Variants in RCAN2 observed in about 807,000 individuals in gnomAD.
The protein encoded by RCAN2 is regulator of calcineurin 2, also known as calcipressin-2.
RCAN2 carries 9 observed loss-of-function variants against 23.6 expected under a neutral mutation model. The ratio of observed to expected loss-of-function variants is 0.38; its 90% confidence interval spans 0.23 to 0.67. The LOEUF (loss-of-function observed/expected upper bound fraction) is 0.67. Ranked by LOEUF, RCAN2 falls within the 30% of genes least tolerant of loss-of-function variation. The pLI is 0.51. For synonymous variants in RCAN2, 109 were observed against 115.7 expected, an observed-to-expected ratio of 0.94 and a Z score of 0.37; for missense variants, 273 against 302.3, an observed-to-expected ratio of 0.90 and a Z score of 0.72.
chr6:46,429,974 CAG>C (rs1282161634), intron 2 of RCAN2, among the ~76,000 whole-genome samples: 1 of 152,166 alleles, frequency 6.6e-6, no homozygotes, highest in African/African-American at 2.4e-5. Context: ...ACAGAAGACT[CAG>C]GAGTGAAGGA....
At chr6:46,249,911 G>GA (rs148593086) in intron 2 of RCAN2, among the ~76,000 whole-genome samples, 39 of 148,900 alleles carry the variant, frequency 2.6e-4, no homozygotes, top group East Asian at 2.5e-3. Flanking sequence ...CCATAGCAAG[G>GA]AAAAAAAAAA....
intron 2 of RCAN2, among the ~76,000 whole-genome samples, chr6:46,357,249 A>C (rs200321642): frequency 6.6e-6 from 1 of 152,252 alleles, no homozygotes; most frequent in East Asian, 1.9e-4. Flanking sequence ...AATGAAATTC[A>C]GATGGCTAAA....
intron 4 of RCAN2, among the ~76,000 whole-genome samples, chr6:46,236,943 G>T (rs1766121746): frequency 6.6e-6 from 1 of 152,226 alleles, no homozygotes; most frequent in Non-Finnish European, 1.5e-5. Flanking sequence ...GCTCTGTCAT[G>T]TGGGTTTCAT....
intron 1 of RCAN2, among the ~76,000 whole-genome samples, chr6:46,478,303 C>T (rs1768766389): frequency 6.6e-6 from 1 of 152,178 alleles, no homozygotes; most frequent in South Asian, 2.1e-4. Context: ...CTGTATCATG[C>T]AGGCTGTTGG....
At chr6:46,344,702 A>G (rs1385159341) in intron 2 of RCAN2, among the ~76,000 whole-genome samples, 1 of 152,034 alleles carries the variant, frequency 6.6e-6, no homozygotes, top group East Asian at 1.9e-4. Context: ...TTAAAAAATA[A>G]CAAAAGGAGG....
At chr6:46,371,328 C>G (rs1415134745) in intron 2 of RCAN2, among the ~76,000 whole-genome samples, 1 of 152,126 alleles carries the variant, frequency 6.6e-6, no homozygotes, top group African/African-American at 2.4e-5. Context: ...GATTTTAAGT[C>G]ACATCCCTTA....
chr6:46,248,493 A>G (rs534615783), intron 3 of RCAN2, among the ~76,000 whole-genome samples: 6 of 152,134 alleles, frequency 3.9e-5, no homozygotes, highest in African/African-American at 1.2e-4. Context: ...AGATGAGAAT[A>G]AGGAGCCCCA....
At chr6:46,384,267 T>A (rs1765685727) in intron 2 of RCAN2, among the ~76,000 whole-genome samples, 1 of 152,210 alleles carries the variant, frequency 6.6e-6, no homozygotes, top group African/African-American at 2.4e-5. Flanking sequence ...TTTAATTAAT[T>A]TCCAGTGTTA....
rs1406092942 is a variant in RCAN2, at chr6:46,476,781, T to C, written c.-3+14392A>G. On this transcript the variant is annotated intron_variant, in intron 1 of 4. Coordinates refer to ENST00000371374, the MANE Select transcript of RCAN2 (RefSeq NM_001251974.2). ...GATGAACATATCTTCTCTTACTCAT[T>C]GCAAGCCCCTTTCAGTCAGAAGATT... Among the ~76,000 whole-genome samples the C allele has an allele frequency of 4.6e-5, 7 of 152,148 alleles. No homozygotes were observed. In the East Asian group the frequency reaches 9.6e-4, roughly 21 times the overall value.
At chr6:46,223,600 C>A (rs1427819780) in intron 4 of RCAN2, among the ~76,000 whole-genome samples, 1 of 152,204 alleles carries the variant, frequency 6.6e-6, no homozygotes, top group Non-Finnish European at 1.5e-5. Context: ...GTGGCGAGGA[C>A]TGGATGGACT....
At chr6:46,473,793 G>C (rs1408538186) in intron 1 of RCAN2, among the ~76,000 whole-genome samples, 2 of 152,086 alleles carry the variant, frequency 1.3e-5, no homozygotes, top group Non-Finnish European at 2.9e-5. Context: ...ATTTTCCTCT[G>C]TCATTTTATT....
chr6:46,414,149 G>A (rs115258655), intron 2 of RCAN2, among the ~76,000 whole-genome samples: 108 of 152,118 alleles, frequency 7.1e-4, no homozygotes, highest in African/African-American at 2.4e-3. Flanking sequence ...TCTGTAAATG[G>A]GACTTTAAAA....
At chr6:46,300,049 T>G (rs1228555386) in intron 2 of RCAN2, among the ~76,000 whole-genome samples, 2 of 151,546 alleles carry the variant, frequency 1.3e-5, no homozygotes. Flanking sequence ...ATAAAAAAAT[T>G]TTAAAGCAAT....
chr6:46,275,648 G>A (rs1767671077), intron 2 of RCAN2, among the ~76,000 whole-genome samples: 1 of 152,164 alleles, frequency 6.6e-6, no homozygotes, highest in Non-Finnish European at 1.5e-5. Context: ...AGAGGCTAGT[G>A]ATGACAAAGT....
At chr6:46,484,509 TC>T (rs1328124016) in intron 1 of RCAN2, among the ~76,000 whole-genome samples, 2 of 152,214 alleles carry the variant, frequency 1.3e-5, no homozygotes, top group African/African-American at 4.8e-5. Flanking sequence ...GTCAATATCT[TC>T]CAGGATAACT....
intron 2 of RCAN2, among the ~76,000 whole-genome samples, chr6:46,327,028 T>C (rs1763816347): frequency 6.6e-6 from 1 of 152,258 alleles, no homozygotes; most frequent in Non-Finnish European, 1.5e-5. Context: ...TATTAAGTCA[T>C]ATATGCATAT....
At chr6:46,446,290 C>A (rs1767703240) in intron 2 of RCAN2, among the ~76,000 whole-genome samples, 1 of 104,186 alleles carries the variant, frequency 9.6e-6, no homozygotes. Flanking sequence ...AACCCAGAGG[C>A]AGGGTGTGTG....
At chr6:46,456,615 C>T (rs1391133022) in intron 2 of RCAN2, 137 bp downstream of exon 2, 1 of 646,482 alleles carries the variant, frequency 1.5e-6, no homozygotes, top group African/African-American at 1.8e-5. Context: ...ATTTTCTTAT[C>T]CTGGTACACA....
chr6:46,323,904 C>T (rs559314812), intron 2 of RCAN2, among the ~76,000 whole-genome samples: 4 of 152,216 alleles, frequency 2.6e-5, no homozygotes, highest in Non-Finnish European at 2.9e-5. Flanking sequence ...TTTTCTGAAA[C>T]GAATAAAGTT....
Sources: allele counts gnomAD v4.1 joint callset (sites outside exome capture counted in the v4.1 genomes callset), GRCh38; gene constraint gnomAD v4.1.1; transcripts MANE v1.5; gene names NCBI Gene and HGNC (gene_info 2026-07-23, HGNC 2026-07-21).